The following SDK1 variants were observed in gnomAD, a reference collection of about 807,000 sequenced individuals.
SDK1 encodes protein sidekick-1.
In SDK1, 157 loss-of-function variants were observed where a neutral mutation model predicts 245.5. That is an observed-to-expected ratio of 0.64 (90% CI 0.56 to 0.73). SDK1 has a LOEUF of 0.73. SDK1 is among the 30% of genes least tolerant of loss of function. SDK1 has a pLI of 0.00. For missense variants in SDK1, 3,583 were observed against 3,002.3 expected (o/e 1.19, Z -4.52); for synonymous variants, 1,647 against 1,278.5 (o/e 1.29, Z -6.15).
intron 2 of SDK1, among the ~76,000 whole-genome samples, chr7:3,621,943 G>C (rs1223230199): frequency 6.6e-6 from 1 of 152,118 alleles, no homozygotes; most frequent in East Asian, 1.9e-4. Context: ...TTACTTTATA[G>C]TATTTAATAA....
chr7:4,030,472 A>G (rs1471199991), intron 17 of SDK1, among the ~76,000 whole-genome samples: 4 of 152,176 alleles, frequency 2.6e-5, no homozygotes, highest in African/African-American at 7.2e-5. Context: ...GTGGCAGTTG[A>G]CAGGTCGCAG....
At chr7:4,245,316 A>T (rs1339878934) in intron 43 of SDK1, among the ~76,000 whole-genome samples, 1 of 151,864 alleles carries the variant, frequency 6.6e-6, no homozygotes, top group Admixed American at 6.6e-5. Context: ...ATCTCTCTCC[A>T]CTGCACTCCC....
chr7:3,533,442 C>A (rs775227304), intron 1 of SDK1, among the ~76,000 whole-genome samples: 2 of 152,100 alleles, frequency 1.3e-5, no homozygotes, highest in Non-Finnish European at 2.9e-5. Context: ...GATAGTGCCA[C>A]CAAAATAAAT....
intron 4 of SDK1, among the ~76,000 whole-genome samples, chr7:3,779,805 G>A (rs933601387): frequency 1.6e-4 from 25 of 151,910 alleles, no homozygotes; most frequent in Non-Finnish European, 1.6e-4. Flanking sequence ...GGTGGCGGGC[G>A]CCTGTAGTCC....
At chr7:4,213,177 G>A (rs1425739281) in intron 38 of SDK1, among the ~76,000 whole-genome samples, 2 of 152,186 alleles carry the variant, frequency 1.3e-5, no homozygotes, top group African/African-American at 4.8e-5. Flanking sequence ...ACTTTGGGAG[G>A]ACGAGGCAAG....
rs1190974519 is a variant in SDK1 at position 3,312,134 on chromosome 7, A to G, written c.298+10250A>G. On this transcript the variant is annotated intron_variant, in intron 1 of 44. Transcript: ENST00000404826. Reference sequence around the variant, plus strand: ...AAAAAAGGGACATCTAAACTCCAAGATTGCACCTCATAATTGGGGTGGATT... The same window carrying G: ...AAAAAAGGGACATCTAAACTCCAAGGTTGCACCTCATAATTGGGGTGGATT... Among the ~76,000 whole-genome samples the G allele has an allele frequency of 2.6e-5, 4 of 152,202 alleles. 1 individual carries two copies. The highest frequency in any genetic ancestry group is 4.1e-4 in the South Asian group (2 of 4,832).
chr7:3,727,059 T>G (rs951589722), intron 4 of SDK1, among the ~76,000 whole-genome samples: 3 of 152,224 alleles, frequency 2.0e-5, no homozygotes, highest in Non-Finnish European at 4.4e-5. Flanking sequence ...CATTGCAGTC[T>G]TTATAGGCAT....
At chr7:3,935,624 A>G (rs1265601564) in intron 5 of SDK1, among the ~76,000 whole-genome samples, 1 of 152,236 alleles carries the variant, frequency 6.6e-6, no homozygotes, top group East Asian at 1.9e-4. Context: ...CACATGAAAA[A>G]ATACTCAACA....
chr7:4,208,594 A>G (rs549253278), intron 37 of SDK1, among the ~76,000 whole-genome samples: 27 of 152,330 alleles, frequency 1.8e-4, no homozygotes, highest in Non-Finnish European at 3.5e-4. Flanking sequence ...GGCCTCGTTC[A>G]TAACTGACAG....
At chr7:3,824,397 G>A (rs1272830873) in intron 5 of SDK1, among the ~76,000 whole-genome samples, 3 of 152,202 alleles carry the variant, frequency 2.0e-5, no homozygotes, top group South Asian at 4.1e-4. Flanking sequence ...GCTGTCGGGA[G>A]AATAAAGCAG....
chr7:4,027,890 G>C (rs552019574), intron 17 of SDK1, among the ~76,000 whole-genome samples: 1 of 151,940 alleles, frequency 6.6e-6, no homozygotes, highest in African/African-American at 2.4e-5. Flanking sequence ...TTGTGGGAAC[G>C]AGAGTAGGGG....
chr7:3,842,047 C>G (rs1202112860), intron 5 of SDK1, among the ~76,000 whole-genome samples: 1 of 152,184 alleles, frequency 6.6e-6, no homozygotes, highest in African/African-American at 2.4e-5. Context: ...TCCTTTTAAC[C>G]AGCTGGCAGG....
intron 4 of SDK1, among the ~76,000 whole-genome samples, chr7:3,709,818 A>T (rs1784991785): frequency 6.6e-6 from 1 of 152,212 alleles, no homozygotes; most frequent in African/African-American, 2.4e-5. Flanking sequence ...AACTTGGCCC[A>T]CCAAAGGGTA....
At chr7:3,438,848 TA>T (rs1780106110) in intron 1 of SDK1, among the ~76,000 whole-genome samples, 7 of 108,662 alleles carry the variant, frequency 6.4e-5, no homozygotes, top group South Asian at 6.7e-4. Flanking sequence ...TTTGTATTAA[TA>T]TTTTTTTTTT....
intron 4 of SDK1, among the ~76,000 whole-genome samples, chr7:3,785,422 T>C (rs896026130): frequency 3.9e-5 from 6 of 152,216 alleles, no homozygotes; most frequent in African/African-American, 1.4e-4. Flanking sequence ...CCACATTTTA[T>C]TAATCAATCA....
intron 1 of SDK1, among the ~76,000 whole-genome samples, chr7:3,596,958 T>A (rs1781087496): frequency 6.6e-6 from 1 of 152,162 alleles, no homozygotes; most frequent in Non-Finnish European, 1.5e-5. Context: ...CCGCCTGTGA[T>A]TGGCCAAAAC....
At chr7:4,090,842 A>G (rs1349290069) in intron 22 of SDK1, among the ~76,000 whole-genome samples, 3 of 152,140 alleles carry the variant, frequency 2.0e-5, no homozygotes, top group African/African-American at 7.2e-5. Flanking sequence ...GAAAAGCATT[A>G]TTTCACACTA....
intron 44 of SDK1, among the ~76,000 whole-genome samples, chr7:4,261,425 C>T (rs796689249): frequency 6.6e-6 from 1 of 152,154 alleles, no homozygotes; most frequent in East Asian, 1.9e-4. Context: ...GGACGCAGCT[C>T]ACACACCCTG....
chr7:3,693,089 C>G (rs886932560), intron 4 of SDK1, among the ~76,000 whole-genome samples: 1 of 151,746 alleles, frequency 6.6e-6, no homozygotes, highest in Non-Finnish European at 1.5e-5. Flanking sequence ...ATTAATATGA[C>G]TTAATATCTT....
Sources: gnomAD v4.1 joint callset for allele counts (sites outside exome capture counted in the v4.1 genomes callset) on GRCh38, gnomAD v4.1.1 for gene constraint, MANE v1.5 for transcripts, NCBI Gene and HGNC (gene_info 2026-07-23, HGNC 2026-07-21) for gene names.